The following ERBB4 variants were observed in gnomAD, a reference collection of about 807,000 sequenced individuals.
The protein encoded by ERBB4 is receptor tyrosine-protein kinase erbB-4.
In ERBB4, 42 loss-of-function variants were observed where a neutral mutation model predicts 158.0. The ratio of observed to expected loss-of-function variants is 0.27; its 90% CI spans 0.21 to 0.34. ERBB4 has a LOEUF of 0.34. Ranked by LOEUF, ERBB4 falls within the 10% of genes least tolerant of loss-of-function variation. The pLI is 1.00. For synonymous variants in ERBB4, 583 were observed against 558.7 expected, an observed-to-expected ratio of 1.04 and a Z score of -0.61; for missense variants, 1,333 against 1,624.1, an observed-to-expected ratio of 0.82 and a Z score of 3.08.
At chr2:212,335,832 GT>G (rs1560049556) in intron 1 of ERBB4, among the ~76,000 whole-genome samples, 1 of 151,956 alleles carries the variant, frequency 6.6e-6, no homozygotes, top group Non-Finnish European at 1.5e-5. Context: ...TTCCTAATGT[GT>G]TCAGGAACTA....
chr2:212,120,585 T>C (rs991581319), intron 2 of ERBB4, among the ~76,000 whole-genome samples: 2 of 152,120 alleles, frequency 1.3e-5, no homozygotes, highest in African/African-American at 4.8e-5. Context: ...TCATAGAAAT[T>C]AGAGTGGTTT....
At chr2:212,334,165 T>C (rs1037008214) in intron 1 of ERBB4, among the ~76,000 whole-genome samples, 2 of 151,958 alleles carry the variant, frequency 1.3e-5, no homozygotes, top group South Asian at 4.1e-4. Context: ...TTAGCTAGAG[T>C]CAAATTCTAT....
intron 19 of ERBB4, among the ~76,000 whole-genome samples, chr2:211,596,214 A>C (rs1206689508): frequency 6.6e-6 from 1 of 151,782 alleles, no homozygotes; most frequent in Non-Finnish European, 1.5e-5. Context: ...TATAGACTTC[A>C]CAGCAAAAAA....
At chr2:212,520,252 T>C (rs1692080557) in intron 1 of ERBB4, among the ~76,000 whole-genome samples, 1 of 151,964 alleles carries the variant, frequency 6.6e-6, no homozygotes, top group Non-Finnish European at 1.5e-5. Context: ...TATAGTTTAA[T>C]ACTCCAATTT....
chr2:212,251,115 A>G (rs16848093), intron 1 of ERBB4, among the ~76,000 whole-genome samples: 9,552 of 152,036 alleles, frequency 0.063, 357 homozygotes, highest in Non-Finnish European at 0.082. Context: ...TTGTTATTCT[A>G]TTGAGGATAT....
At chr2:211,433,671 G>A (rs970989302) in intron 20 of ERBB4, among the ~76,000 whole-genome samples, 30 of 152,298 alleles carry the variant, frequency 2.0e-4, no homozygotes, top group African/African-American at 6.3e-4. Flanking sequence ...GAATGGATTG[G>A]ACATCAATGT....
At chr2:211,515,329 A>C (rs979458171) in intron 20 of ERBB4, among the ~76,000 whole-genome samples, 1 of 152,094 alleles carries the variant, frequency 6.6e-6, no homozygotes, top group African/African-American at 2.4e-5. Context: ...CCATTAGAAC[A>C]CACTGTTGGA....
intron 1 of ERBB4, among the ~76,000 whole-genome samples, chr2:212,371,321 A>G (rs2090077500): frequency 6.6e-6 from 1 of 152,180 alleles, no homozygotes; most frequent in South Asian, 2.1e-4. Context: ...CACTTTAAAA[A>G]CTTTCAAAAT....
At chr2:211,572,569 C>T (rs998956878) in intron 19 of ERBB4, among the ~76,000 whole-genome samples, 5 of 152,156 alleles carry the variant, frequency 3.3e-5, no homozygotes, top group Non-Finnish European at 7.4e-5. Context: ...GTACTTATCC[C>T]CCACCCTCAC....
intron 2 of ERBB4, among the ~76,000 whole-genome samples, chr2:211,987,508 G>A (rs927315650): frequency 6.6e-6 from 1 of 151,836 alleles, no homozygotes; most frequent in Non-Finnish European, 1.5e-5. Context: ...AAAAAAGGAA[G>A]GGAACATAGG....
chr2:212,023,746 C>G (rs1378188140), intron 2 of ERBB4, among the ~76,000 whole-genome samples: 1 of 151,612 alleles, frequency 6.6e-6, no homozygotes, highest in Non-Finnish European at 1.5e-5. Context: ...TTTTATTGCT[C>G]TGATGAGTAG....
intron 1 of ERBB4, among the ~76,000 whole-genome samples, chr2:212,209,300 T>C (rs1485661232): frequency 6.6e-6 from 1 of 152,178 alleles, no homozygotes; most frequent in Non-Finnish European, 1.5e-5. Context: ...CATATTACTT[T>C]TTTCATCTCA....
At chr2:212,503,932 G>A (rs1158573063) in intron 1 of ERBB4, among the ~76,000 whole-genome samples, 1 of 152,112 alleles carries the variant, frequency 6.6e-6, no homozygotes, top group African/African-American at 2.4e-5. Flanking sequence ...GAAATACTAG[G>A]AGGAAAATTC....
chr2:211,789,846 G>A (rs989317973), intron 3 of ERBB4, among the ~76,000 whole-genome samples: 2 of 152,014 alleles, frequency 1.3e-5, no homozygotes, highest in Non-Finnish European at 2.9e-5. Flanking sequence ...GTGGACTGGT[G>A]GTCACATCCC....
intron 4 of ERBB4, among the ~76,000 whole-genome samples, chr2:211,753,151 A>C (rs142480191): frequency 8.6e-6 from 1 of 116,260 alleles, no homozygotes; most frequent in African/African-American, 3.0e-5. Context: ...TCTGACCAAA[A>C]TATCTGATTA....
At chr2:212,286,357 GAACAC>G (rs2085961788) in intron 1 of ERBB4, among the ~76,000 whole-genome samples, 1 of 151,988 alleles carries the variant, frequency 6.6e-6, no homozygotes, top group South Asian at 2.1e-4. Flanking sequence ...GAAATTCAGT[GAACAC>G]ATCAAAGTTT....
At chr2:211,569,198 C>T (rs1250885607) in intron 19 of ERBB4, among the ~76,000 whole-genome samples, 1 of 152,196 alleles carries the variant, frequency 6.6e-6, no homozygotes, top group Non-Finnish European at 1.5e-5. Flanking sequence ...TAGATTTAGT[C>T]ACTAACACTG....
intron 2 of ERBB4, among the ~76,000 whole-genome samples, chr2:212,069,083 A>C (rs1054423248): frequency 6.6e-6 from 1 of 151,830 alleles, no homozygotes; most frequent in Non-Finnish European, 1.5e-5. Flanking sequence ...GAGTCCATTA[A>C]CTCTCTTTCT....
intron 1 of ERBB4, among the ~76,000 whole-genome samples, chr2:212,302,975 T>C (rs1368755396): frequency 6.6e-6 from 1 of 150,486 alleles, no homozygotes; most frequent in Non-Finnish European, 1.5e-5. Context: ...GAAAGAAGAA[T>C]AAAGGAAGCA....
Sources: gnomAD v4.1 joint callset for allele counts (sites outside exome capture counted in the v4.1 genomes callset) on GRCh38, gnomAD v4.1.1 for gene constraint, MANE v1.5 for transcripts, NCBI Gene and HGNC (gene_info 2026-07-23, HGNC 2026-07-21) for gene names.